ZNF467: variants seen among roughly 807,000 people sequenced by gnomAD.
ZNF467 encodes zinc finger protein 467, also known as zinc finger protein EZI.
In ZNF467, 51 loss-of-function variants were observed where a neutral mutation model predicts 47.8. The observed-to-expected ratio is 1.07, with a 90% confidence interval of 0.85 to 1.35. ZNF467 has a LOEUF of 1.35. Among genes scored for constraint, ZNF467 ranks in the 40% most tolerant of loss-of-function variants. The pLI, the probability that ZNF467 is intolerant of heterozygous loss-of-function variation, is 0.00. For missense variants in ZNF467, 992 were observed against 858.1 expected, an observed-to-expected ratio of 1.16 and a Z score of -1.95; for synonymous variants, 416 against 372.9, an observed-to-expected ratio of 1.12 and a Z score of -1.33.
rs765401323 is a variant in ZNF467 at position 149,765,662 on chromosome 7, G to C, written c.840C>G (p.Arg280=). The C allele has an allele frequency of 3.1e-6, 5 of 1,612,378 alleles. No homozygotes were observed. Among genetic ancestry groups the C allele is most frequent in the Non-Finnish European group, 4.2e-6 (5 of 1,179,444 alleles). The change falls in exon 5 of 5, where the codon CGC becomes CGG. Residue 280 remains arginine (R), a synonymous_variant. Coordinates refer to ENST00000302017, the MANE Select transcript of ZNF467 (RefSeq NM_207336.3). The part of the protein sequence containing the change: ...RPFPCTECEK[R]FRKKTHLIRH... ...GAATCAAGTGCGTCTTCTTGCGAAA[G>C]CGCTTCTCGCATTCCGTGCAGGGGA...
upstream of ZNF467, among the ~76,000 whole-genome samples, chr7:149,773,721 G>C (rs1207813721): frequency 6.6e-6 from 1 of 151,074 alleles, no homozygotes; most frequent in African/African-American, 2.4e-5. Context: ...GTGCGCTGCC[G>C]TCTCTAAGTC....
upstream of ZNF467, among the ~76,000 whole-genome samples, chr7:149,775,184 A>G (rs141048813): frequency 1.3e-5 from 2 of 152,270 alleles, no homozygotes; most frequent in East Asian, 3.9e-4. Context: ...TCCTCAGCAT[A>G]GGCTCCCCAG....
chr7:149,771,817 C>G (rs1319740995), intron 1 of ZNF467, among the ~76,000 whole-genome samples: 1 of 150,052 alleles, frequency 6.7e-6, no homozygotes, highest in Non-Finnish European at 1.5e-5. Flanking sequence ...CGAATCGGGC[C>G]GGCGCCTCGG....
chr7:149,764,720 G>A lies in ZNF467; in HGVS notation c.1782C>T (p.Phe594=), dbSNP rs1217156243. The change falls in exon 5 of 5, where the codon TTC becomes TTT. Residue 594 remains phenylalanine (F), a synonymous_variant. Transcript: ENST00000302017. ...GTCCTCGTGAGAACTAGGCTCAGAA[G>A]AAGAGCGGGGGCGGCGCCACCTCGG... is the stretch of plus-strand genomic sequence containing the variant. ...APPEVAPPPL[F]F 1.3e-6 allele frequency: 2 copies of A among 1,568,680 alleles called. No homozygotes were observed. The highest frequency in any genetic ancestry group is 1.2e-5 in the South Asian group (1 of 85,520).
Position 149,764,867 on chromosome 7 carries a change from G to A in ZNF467, c.1635C>T (p.Cys545=). The part of the protein sequence containing the change: ...AIHTGSRPFS[C]PQCGKSFSRK... Reference sequence around the variant, plus strand: ...GGCTGAAGCTCTTTCCGCACTGCGGGCAGGAGAAGGGGCGGGAGCCTGTGT... The same window carrying A: ...GGCTGAAGCTCTTTCCGCACTGCGGACAGGAGAAGGGGCGGGAGCCTGTGT... Residue 545 remains cysteine (C), a synonymous_variant, in exon 5 of 5, where the codon TGC becomes TGT. Coordinates refer to ENST00000302017, the MANE Select transcript of ZNF467 (RefSeq NM_207336.3). 6.4e-7 allele frequency: 1 copy of A among 1,556,048 alleles called. No individual in the cohort carries two copies. The highest frequency in any genetic ancestry group is 8.7e-7 in the Non-Finnish European group (1 of 1,152,456).
In ZNF467 at chr7:149,769,776, C is replaced by T. The variant is rs1799332726; in HGVS notation, c.152-576G>A. On this transcript the variant is annotated intron_variant, in intron 3 of 4. Coordinates refer to ENST00000302017, the MANE Select transcript of ZNF467 (RefSeq NM_207336.3). This position sits in a 1 kb window ranked among gnomAD's most constrained non-coding sequence, Gnocchi z 5.3. ...CGATCATACCTCACTGCAGCCTGGGCTTCAAGGGATCCTCCTGCCCCAGCC... is the reference window on the plus strand; with the variant it reads ...CGATCATACCTCACTGCAGCCTGGGTTTCAAGGGATCCTCCTGCCCCAGCC... 1.3e-5 allele frequency among the ~76,000 whole-genome samples: 2 copies of T among 152,214 alleles called. No homozygotes were observed. Among genetic ancestry groups the T allele is most frequent in the South Asian group, 2.1e-4 (1 of 4,834 alleles).
chr7:149,766,220 C>T lies in ZNF467; in HGVS notation c.282G>A (p.Arg94=). ...GTCPGEEWMI[R]KVKVEDEDQE... ...GATCTTCGTCCTCCACCTTCACCTT[C>T]CGAATCATCCACTCCTCTCCTGGAA... The change falls in exon 5 of 5, where the codon CGG becomes CGA. Residue 94 remains arginine, a synonymous_variant. Coordinates refer to ENST00000302017, the MANE Select transcript of ZNF467 (RefSeq NM_207336.3). The T allele has an allele frequency of 6.6e-7, 1 of 1,523,960 alleles. No individual in the cohort carries two copies. Among genetic ancestry groups the T allele is most frequent in the Non-Finnish European group, 8.8e-7 (1 of 1,135,142 alleles). The allele number at this position is 1,523,960 out of a possible 1,614,324, so 94.4% of individuals were successfully genotyped here.
chr7:149,765,128 G>A lies in ZNF467; in HGVS notation c.1374C>T (p.Pro458=), dbSNP rs998636882. 4.1e-6 allele frequency: 6 copies of A among 1,480,168 alleles called. No homozygotes were observed. The highest frequency in any genetic ancestry group is 5.4e-6 in the Non-Finnish European group (6 of 1,120,016). 91.7% of individuals were successfully genotyped at this position (1,480,168 alleles called of 1,614,324 possible). A position where few individuals can be genotyped will look rare whatever the true frequency, so the allele number is the denominator to read the frequency against. Residue 458 remains proline, a synonymous_variant, in exon 5 of 5, where the codon CCC becomes CCT. Transcript: ENST00000302017. ...GGCGGTCACACTGCGTGCAGGCGAA[G>A]GGCCGTTCGCCCGTGTGCACGCGCG... The part of the protein sequence containing the change: ...RHPRVHTGER[P]FACTQCDRRF...
At position 149,765,747 on chromosome 7, in the gene ZNF467, C is replaced by T; in HGVS notation, c.755G>A (p.Arg252His). The change falls in exon 5 of 5, where the codon CGC (arginine) becomes CAC (histidine). Residue 252 changes from arginine (R) to histidine (H), a missense_variant. Physicochemically the swap from Arg to His is conservative, Grantham distance 29 (BLOSUM62 0). Coordinates refer to ENST00000302017, the MANE Select transcript of ZNF467 (RefSeq NM_207336.3). ...GCCCAGGTGGATCTTCTGGCTGAAG[C>T]GCTTGCCGCACTCCGCGCACGGGTA... ...RPYPCAECGK[R>H]FSQKIHLGSH... 17 of 1,613,246 alleles carry T rather than the reference C, an allele frequency of 1.1e-5. No homozygotes were observed. The highest frequency in any genetic ancestry group is 1.4e-5 in the Non-Finnish European group (17 of 1,179,744).
At chr7:149,771,673 G>A (rs1008650515) in intron 1 of ZNF467, among the ~76,000 whole-genome samples, 1 of 151,504 alleles carries the variant, frequency 6.6e-6, no homozygotes, top group African/African-American at 2.4e-5. Context: ...CACCGCCCCT[G>A]CTGCCCCTTC....
At position 149,765,243 on chromosome 7, in the gene ZNF467, A is replaced by G; in HGVS notation, c.1259T>C (p.Val420Ala). 1 of 1,466,048 alleles carries G rather than the reference A, an allele frequency of 6.8e-7. No homozygotes were observed. 90.8% of individuals were successfully genotyped at this position (1,466,048 alleles called of 1,614,324 possible). A position where few individuals can be genotyped will look rare whatever the true frequency, so the allele number is the denominator to read the frequency against. The change falls in exon 5 of 5, where the codon GTG (valine) becomes GCG (alanine). Residue 420 changes from valine to alanine, a missense_variant. Physicochemically the swap from Val to Ala is moderately conservative, Grantham distance 64. Transcript: ENST00000302017. ...CTCGCCCGAGGGGGCGCGCTGGGGC[A>G]CCACGGGATCGGATCCTGGGCCGCA... ...PGCGPGSDPVVPQRAPSGERS... is the reference protein window; with the variant it reads ...PGCGPGSDPVAPQRAPSGERS...
chr7:149,771,493 C>T (rs992001735), intron 1 of ZNF467, among the ~76,000 whole-genome samples: 1 of 152,144 alleles, frequency 6.6e-6, no homozygotes, highest in Non-Finnish European at 1.5e-5. Flanking sequence ...TGTCACTGCC[C>T]GAGCTGGTGA....
In ZNF467 at chr7:149,764,389, TTAAG is replaced by T; in HGVS notation, c.*321_*324del. The T allele has an allele frequency of 1.8e-6, 1 of 562,722 alleles. No homozygotes were observed. Among genetic ancestry groups the T allele is most frequent in the Non-Finnish European group, 3.1e-6 (1 of 318,484 alleles). The allele number at this position is 562,722 out of a possible 1,614,324, so 34.9% of individuals were successfully genotyped here. A position where few individuals can be genotyped will look rare whatever the true frequency, so the allele number is the denominator to read the frequency against. Reference sequence around the variant, plus strand: ...TTCCGATTTTAACTTTAATGAAACTTTAAGTACATAAATAACCACTCTTTCCTGC... The same window carrying T: ...TTCCGATTTTAACTTTAATGAAACTTTACATAAATAACCACTCTTTCCTGC... On this transcript the variant is annotated 3_prime_UTR_variant, in exon 5 of 5. Coordinates refer to ENST00000302017, the MANE Select transcript of ZNF467 (RefSeq NM_207336.3).
intron 4 of ZNF467, among the ~76,000 whole-genome samples, chr7:149,767,549 C>G (rs113322000): frequency 0.019 from 2,879 of 152,242 alleles, 39 homozygotes; most frequent in Middle Eastern, 0.041. Context: ...ATCAATAGCT[C>G]CTATTTATTT....
chr7:149,764,878 G>A lies in ZNF467; in HGVS notation c.1624C>T (p.Pro542Ser). The change falls in exon 5 of 5, where the codon CCC becomes TCC. Residue 542 changes from proline to serine, a missense_variant. Transcript: ENST00000302017. ...RHQAIHTGSR[P>S]FSCPQCGKSF... Reference sequence around the variant, plus strand: ...TTTCCGCACTGCGGGCAGGAGAAGGGGCGGGAGCCTGTGTGGATCGCCTGG... The same window carrying A: ...TTTCCGCACTGCGGGCAGGAGAAGGAGCGGGAGCCTGTGTGGATCGCCTGG... The A allele has an allele frequency of 2.6e-6, 4 of 1,562,988 alleles. No individual in the cohort carries two copies. The highest frequency in any genetic ancestry group is 3.5e-6 in the Non-Finnish European group (4 of 1,155,822).
At chr7:149,767,043 G>T (rs1799245928) in intron 4 of ZNF467, among the ~76,000 whole-genome samples, 1 of 152,230 alleles carries the variant, frequency 6.6e-6, no homozygotes, top group Non-Finnish European at 1.5e-5. Context: ...TGTTGCCCCT[G>T]TCGGGTGCTG....
Position 149,765,546 on chromosome 7 carries a change from T to C in ZNF467, c.956A>G (p.Gln319Arg). The change falls in exon 5 of 5, where the codon CAA becomes CGA. Residue 319 changes from glutamine (Q) to arginine (R), a missense_variant. Physicochemically the swap from Gln to Arg is conservative, Grantham distance 43. Coordinates refer to ENST00000302017, the MANE Select transcript of ZNF467 (RefSeq NM_207336.3). ...CGGGCCGGCCGTCTGGTGCACCCTT[T>C]GGTGCCGCACCAAGTGCTGCTTGTG... The part of the protein sequence containing the change: ...FTHKQHLVRH[Q>R]RVHQTAGPAR... 3 of 1,582,194 alleles carry C rather than the reference T, an allele frequency of 1.9e-6. No individual in the cohort carries two copies. Among genetic ancestry groups the C allele is most frequent in the Non-Finnish European group, 2.6e-6 (3 of 1,164,202 alleles).
chr7:149,769,091 T>G lies in ZNF467; in HGVS notation c.261A>C (p.Pro87=). Residue 87 remains proline, a splice_region_variant and synonymous_variant, in exon 4 of 5, where the codon CCA becomes CCC. Transcript: ENST00000302017. This position sits in a 1 kb window ranked among gnomAD's most constrained non-coding sequence, Gnocchi z 5.3. ...AQKAQPVGTC[P]GEEWMIRKVK... ...GGATGAAGTGATGGGAAGACTCACC[T>G]GGGCAGGTACCCACAGGCTGAGCCT... 6.5e-7 allele frequency: 1 copy of G among 1,546,828 alleles called. No homozygotes were observed. Among genetic ancestry groups the G allele is most frequent in the African/African-American group, 1.4e-5 (1 of 72,996 alleles).
intron 3 of ZNF467, among the ~76,000 whole-genome samples, chr7:149,770,025 C>T (rs1799342844): frequency 6.6e-6 from 1 of 152,138 alleles, no homozygotes; most frequent in African/African-American, 2.4e-5. Context: ...CCCAAAGAAA[C>T]CCAGTCTCCT....
Sources: gnomAD v4.1 joint callset for allele counts (sites outside exome capture counted in the v4.1 genomes callset) on GRCh38, gnomAD v4.1.1 for gene constraint, Gnocchi (gnomAD v3.1) non-coding constraint, MANE v1.5 for transcripts, NCBI Gene and HGNC (gene_info 2026-07-23, HGNC 2026-07-21) for gene names.